The following EZR variants were observed in gnomAD, a reference collection of about 807,000 sequenced individuals.
The protein encoded by EZR is cytovillin 2.
A neutral mutation model predicts 74.8 loss-of-function variants in EZR; 40 were observed. The ratio of observed to expected loss-of-function variants is 0.53; its 90% CI spans 0.42 to 0.70. The LOEUF is 0.70. Among genes scored for constraint, EZR ranks in the 30% least tolerant of loss-of-function variants. The probability of loss-of-function intolerance (pLI) is 0.00; values close to 1 mark genes in which losing one functional copy is unlikely to be tolerated. For missense variants in EZR, 678 were observed against 755.8 expected (o/e 0.90, Z 1.21); for synonymous variants, 341 against 283.3 (o/e 1.20, Z -2.05).
At chr6:158,779,262 G>A (rs1791362553) in intron 7 of EZR, among the ~76,000 whole-genome samples, 1 of 152,092 alleles carries the variant, frequency 6.6e-6, no homozygotes, top group Non-Finnish European at 1.5e-5. Flanking sequence ...AAAGTCAATG[G>A]CCAGTACTCT....
At chr6:158,767,181 C>T (rs1790908370) in intron 13 of EZR, 80 bp downstream of exon 13, 2 of 1,581,534 alleles carry the variant, frequency 1.3e-6, no homozygotes, top group East Asian at 2.2e-5. Flanking sequence ...GTGGGGCTGG[C>T]TCACATCACT....
At chr6:158,789,232 G>T in intron 3 of EZR, 56 bp downstream of exon 3, 1 of 1,341,872 alleles carries the variant, frequency 7.5e-7, no homozygotes, top group Non-Finnish European at 1.1e-6. Context: ...TAACTGAAAT[G>T]TTGCAAAACA....
At chr6:158,786,230 CG>C (rs982881029) in intron 4 of EZR, among the ~76,000 whole-genome samples, 5 of 152,022 alleles carry the variant, frequency 3.3e-5, no homozygotes, top group Admixed American at 3.3e-4. Flanking sequence ...AAAAATTAGC[CG>C]GGCATGATGG....
intron 8 of EZR, among the ~76,000 whole-genome samples, chr6:158,774,314 TCCTGCCCAA>T (rs1380550964): frequency 6.6e-6 from 1 of 152,162 alleles, no homozygotes; most frequent in African/African-American, 2.4e-5. Flanking sequence ...TCAGTGTGGC[TCCTGCCCAA>T]CCTGCCTAAA....
Position 158,771,350 on chromosome 6 carries a change from T to A in EZR, c.853A>T (p.Met285Leu). The change falls in exon 9 of 14, where the codon ATG (methionine) becomes TTG (leucine). Residue 285 changes from methionine (M) to leucine (L), a missense_variant. This residue lies in a region of EZR where 119 missense variants were observed against 182.3 expected (regional missense o/e 0.65). Transcript: ENST00000367075. ...RINKRILQLC[M>L]GNHELYMRRR... ...CGCATATACAACTCATGGTTGCCCATGCAGAGCTGCAGGATCCGCTTGTTG... is the reference window on the plus strand; with the variant it reads ...CGCATATACAACTCATGGTTGCCCAAGCAGAGCTGCAGGATCCGCTTGTTG... 1 of 1,614,032 alleles carries A rather than the reference T, an allele frequency of 6.2e-7. No homozygotes were observed. Among genetic ancestry groups the A allele is most frequent in the South Asian group, 1.1e-5 (1 of 91,070 alleles).
chr6:158,765,781 C>T lies in EZR; in HGVS notation c.*1133G>A, dbSNP rs1436863913. 6.6e-6 allele frequency: 1 copy of T among 152,280 alleles called. No individual in the cohort carries two copies. Among genetic ancestry groups the T allele is most frequent in the Non-Finnish European group, 1.5e-5 (1 of 68,044 alleles). 9.4% of individuals were successfully genotyped at this position (152,280 alleles called of 1,614,324 possible). On this transcript the variant is annotated 3_prime_UTR_variant, in exon 14 of 14. Coordinates refer to ENST00000367075, the MANE Select transcript of EZR (RefSeq NM_001111077.2). ...CAAAGCTTTTATTTCATGTCTGCGGCATGGAATCCACCTGCACATGGCATC... is the reference window on the plus strand; with the variant it reads ...CAAAGCTTTTATTTCATGTCTGCGGTATGGAATCCACCTGCACATGGCATC...
At chr6:158,794,013 A>AG (rs1791809365) in intron 2 of EZR, among the ~76,000 whole-genome samples, 1 of 152,238 alleles carries the variant, frequency 6.6e-6, no homozygotes, top group South Asian at 2.1e-4. Flanking sequence ...GCAGTGGTTC[A>AG]CGCCTGTAAT....
In EZR at chr6:158,817,933, G is replaced by C. The variant is rs1339842191; in HGVS notation, c.12+149C>G. 12 of 607,494 alleles carry C rather than the reference G, an allele frequency of 2.0e-5. No individual in the cohort carries two copies. The Admixed American group carries it at 3.2e-4, about 16-fold the overall frequency. 37.6% of individuals were successfully genotyped at this position (607,494 alleles called of 1,614,324 possible). A position where few individuals can be genotyped will look rare whatever the true frequency, so the allele number is the denominator to read the frequency against. On this transcript the variant is annotated intron_variant, in intron 2 of 13. Coordinates refer to ENST00000367075, the MANE Select transcript of EZR (RefSeq NM_001111077.2). ...CACAAAAGGGTCAACAAGTAACAAAGAGCGGCGAAAACCTCCTCCTATTCC... is the reference window on the plus strand; with the variant it reads ...CACAAAAGGGTCAACAAGTAACAAACAGCGGCGAAAACCTCCTCCTATTCC...
In EZR at chr6:158,766,313, CA is replaced by C. The variant is rs368225383; in HGVS notation, c.*600del. On this transcript the variant is annotated 3_prime_UTR_variant, in exon 14 of 14. Coordinates refer to ENST00000367075, the MANE Select transcript of EZR (RefSeq NM_001111077.2). Reference sequence around the variant, plus strand: ...AACTGTTAAGCAAAAAAAAAAAAAACAAAAAAAAAAATCCAAGTGTCCTCCT... The same window carrying C: ...AACTGTTAAGCAAAAAAAAAAAAAACAAAAAAAAAATCCAAGTGTCCTCCT... 0.44 allele frequency: 61,863 copies of C among 141,112 alleles called. 13,326 individuals carry two copies. Among genetic ancestry groups the C allele is most frequent in the Non-Finnish European group, 0.5 (32,706 of 65,032 alleles). 8.7% of individuals were successfully genotyped at this position (141,112 alleles called of 1,614,324 possible).
rs796443530 is a variant in EZR at position 158,766,829 on chromosome 6, G to C, written c.*85C>G. 1.5e-6 allele frequency: 2 copies of C among 1,309,218 alleles called. No individual in the cohort carries two copies. The highest frequency in any genetic ancestry group is 2.4e-5 in the East Asian group (1 of 42,504). 81.1% of individuals were successfully genotyped at this position (1,309,218 alleles called of 1,614,324 possible). A position where few individuals can be genotyped will look rare whatever the true frequency, so the allele number is the denominator to read the frequency against. ...GAACTGGGATCTGAGGGAGTTCCTA[G>C]ACTTGGAGCACTAAAGACACAAGCG... On this transcript the variant is annotated 3_prime_UTR_variant, in exon 14 of 14. Transcript: ENST00000367075.
intron 2 of EZR, among the ~76,000 whole-genome samples, chr6:158,816,001 G>C (rs1486321): frequency 0.52 from 79,299 of 152,082 alleles, 21,676 homozygotes; most frequent in Non-Finnish European, 0.61. Context: ...AAATAAGAGA[G>C]AGAAGGGAGT....
Position 158,814,557 on chromosome 6 carries a change from T to G in EZR, c.12+3525A>C, listed in dbSNP as rs202116525. Among the ~76,000 whole-genome samples the G allele has an allele frequency of 1.5e-4, 23 of 151,500 alleles. No individual in the cohort carries two copies. In the East Asian group the frequency reaches 3.3e-3, roughly 22 times the overall value. On this transcript the variant is annotated intron_variant, in intron 2 of 13. Coordinates refer to ENST00000367075, the MANE Select transcript of EZR (RefSeq NM_001111077.2). ...TGATGAATAAAGTCTTTTTTTTTTT[T>G]TTTTTGAGACAGAGTCTCACTCTGT...
intron 2 of EZR, among the ~76,000 whole-genome samples, chr6:158,797,090 A>G (rs1777089674): frequency 6.6e-6 from 1 of 152,176 alleles, no homozygotes; most frequent in African/African-American, 2.4e-5. Flanking sequence ...TCCTTTGGGA[A>G]GCATCCATTT....
At chr6:158,767,537 G>A (rs1790932027) in intron 12 of EZR, 25 bp from the exon 13 acceptor site, 3 of 1,550,638 alleles carry the variant, frequency 1.9e-6, no homozygotes, top group East Asian at 4.5e-5. Flanking sequence ...TTAATAAGAG[G>A]ACTTCTCACC....
At chr6:158,813,592 CGAGGGGATTGT>C (rs1015488606) in intron 2 of EZR, among the ~76,000 whole-genome samples, 2 of 152,154 alleles carry the variant, frequency 1.3e-5, no homozygotes, top group Non-Finnish European at 2.9e-5. Context: ...TCCTCAATTG[CGAGGGGATTGT>C]GAGGGGGGAG....
At chr6:158,814,670 A>G (rs1158336525) in intron 2 of EZR, among the ~76,000 whole-genome samples, 1 of 151,704 alleles carries the variant, frequency 6.6e-6, no homozygotes, top group Non-Finnish European at 1.5e-5. Context: ...CAGCCTCCCA[A>G]GTAGCTGGGA....
intron 6 of EZR, among the ~76,000 whole-genome samples, 176 bp downstream of exon 6, chr6:158,784,468 T>C (rs1791513256): frequency 6.6e-6 from 1 of 152,192 alleles, no homozygotes; most frequent in South Asian, 2.1e-4. Flanking sequence ...GCAAGACACC[T>C]GGCTTTGTTT....
chr6:158,771,927 C>T (rs1027766327), intron 8 of EZR, among the ~76,000 whole-genome samples: 2 of 150,892 alleles, frequency 1.3e-5, no homozygotes, highest in Admixed American at 1.3e-4. Flanking sequence ...AGCCTCCCCT[C>T]CCACACTGTT....
chr6:158,767,649 G>A (rs1310020933), intron 12 of EZR, 137 bp from the exon 13 acceptor site: 2 of 882,926 alleles, frequency 2.3e-6, no homozygotes, highest in Middle Eastern at 2.4e-4. Flanking sequence ...CTTCGAAGAG[G>A]AGCACCCTCA....
Sources: gnomAD v4.1 joint callset for allele counts (sites outside exome capture counted in the v4.1 genomes callset) on GRCh38, gnomAD v4.1.1 for gene constraint, gnomAD v4.1.1 regional missense constraint, MANE v1.5 for transcripts, NCBI Gene and HGNC (gene_info 2026-07-23, HGNC 2026-07-21) for gene names.